Variants in POU1F1 observed in about 807,000 individuals in gnomAD.
The protein encoded by POU1F1 is POU class 1 homeobox 1.
POU1F1 carries 23 observed loss-of-function variants against 32.3 expected under a neutral mutation model. The ratio of observed to expected loss-of-function variants is 0.71; its 90% CI spans 0.51 to 1.01. The LOEUF (loss-of-function observed/expected upper bound fraction) is 1.01. POU1F1 is among the 50% of genes least tolerant of loss of function. The probability of loss-of-function intolerance (pLI) is 0.00; values close to 1 mark genes in which losing one functional copy is unlikely to be tolerated. For synonymous variants in POU1F1, 120 were observed against 115.6 expected, an observed-to-expected ratio of 1.04 and a Z score of -0.25; for missense variants, 323 against 341.6, an observed-to-expected ratio of 0.95 and a Z score of 0.43.
intron 2 of POU1F1, 34 bp from the exon 3 acceptor site, chr3:87,264,546 C>G: frequency 6.8e-7 from 1 of 1,474,564 alleles, no homozygotes; most frequent in Non-Finnish European, 9.5e-7. Flanking sequence ...ATGAAAAAGA[C>G]CATTTGTCAT....
intron 2 of POU1F1, among the ~76,000 whole-genome samples, chr3:87,273,025 A>G (rs920608405): frequency 1.3e-5 from 2 of 152,158 alleles, no homozygotes; most frequent in Non-Finnish European, 2.9e-5. Context: ...AGTAGCTACT[A>G]TATTTTTAGT....
intron 3 of POU1F1, among the ~76,000 whole-genome samples, chr3:87,263,709 C>T (rs1316788654): frequency 1.3e-5 from 2 of 151,918 alleles, no homozygotes; most frequent in African/African-American, 4.8e-5. Flanking sequence ...AGATCAGAAA[C>T]CACCTAAATT....
chr3:87,262,340 T>C (rs1706529709), intron 3 of POU1F1, 105 bp from the exon 4 acceptor site: 15 of 1,245,210 alleles, frequency 1.2e-5, no homozygotes, highest in Non-Finnish European at 1.6e-5. Flanking sequence ...TTACACACTA[T>C]TTTTTAACTA....
At chr3:87,268,620 A>AG (rs1706671052) in intron 2 of POU1F1, among the ~76,000 whole-genome samples, 1 of 152,194 alleles carries the variant, frequency 6.6e-6, no homozygotes, top group African/African-American at 2.4e-5. Flanking sequence ...TTTAAAACCC[A>AG]GATTACTGCA....
At position 87,264,285 on chromosome 3, in the gene POU1F1, T is replaced by C. The variant is rs185965357; in HGVS notation, c.439+3A>G. ...TTTCCTGTTGCCTTTAACAAGCACA[T>C]ACCTAATTTAATTCGTCTCACTTTA... On this transcript the variant is annotated splice_donor_region_variant and intron_variant, in intron 3 of 5. Transcript: ENST00000350375. The C allele has an allele frequency of 2.0e-5, 32 of 1,603,652 alleles. No individual in the cohort carries two copies. Among genetic ancestry groups the C allele is most frequent in the Non-Finnish European group, 2.6e-5 (30 of 1,170,604 alleles).
At chr3:87,269,878 G>A (rs1199113815) in intron 2 of POU1F1, among the ~76,000 whole-genome samples, 1 of 152,066 alleles carries the variant, frequency 6.6e-6, no homozygotes, top group Admixed American at 6.6e-5. Context: ...TAAAGATGGT[G>A]GGTTTAACAT....
chr3:87,262,352 A>G, intron 3 of POU1F1, 117 bp from the exon 4 acceptor site: 2 of 1,134,386 alleles, frequency 1.8e-6, no homozygotes, highest in East Asian at 2.4e-5. Flanking sequence ...TTTTAACTAT[A>G]TATTCTTGGC....
At chr3:87,269,792 GT>G (rs1706693230) in intron 2 of POU1F1, among the ~76,000 whole-genome samples, 1 of 151,942 alleles carries the variant, frequency 6.6e-6, no homozygotes, top group African/African-American at 2.4e-5. Context: ...GTTTTGTTTT[GT>G]TTTGTTTTCC....
intron 2 of POU1F1, among the ~76,000 whole-genome samples, chr3:87,270,306 C>T (rs1162447074): frequency 6.6e-6 from 1 of 152,136 alleles, no homozygotes; most frequent in Non-Finnish European, 1.5e-5. Context: ...GATTGGAACT[C>T]AGAGGTGTTA....
rs1339622098 is a variant in POU1F1 at position 87,259,882 on chromosome 3, A to G, written c.*12T>C. 1 of 1,605,308 alleles carries G rather than the reference A, an allele frequency of 6.2e-7. No individual in the cohort carries two copies. The highest frequency in any genetic ancestry group is 1.1e-5 in the South Asian group (1 of 90,882). ...AAACGGGAGAAAAAGGCTATTATAC[A>G]ATAGAAAAATCTTATCTGCACTCAA... On this transcript the variant is annotated 3_prime_UTR_variant, in exon 6 of 6. Transcript: ENST00000350375.
At chr3:87,263,662 T>C (rs1160442304) in intron 3 of POU1F1, among the ~76,000 whole-genome samples, 2 of 152,014 alleles carry the variant, frequency 1.3e-5, no homozygotes, top group Non-Finnish European at 2.9e-5. Flanking sequence ...ATAACATTTA[T>C]AGGGTTAATC....
intron 2 of POU1F1, among the ~76,000 whole-genome samples, chr3:87,272,109 T>C (rs1023637143): frequency 5.9e-5 from 9 of 151,684 alleles, no homozygotes; most frequent in Non-Finnish European, 1.2e-4. Flanking sequence ...ATCTGTATCA[T>C]AACAAAACAC....
intron 2 of POU1F1, among the ~76,000 whole-genome samples, chr3:87,265,248 G>C (rs1243757021): frequency 2.0e-5 from 3 of 151,878 alleles, no homozygotes; most frequent in African/African-American, 7.2e-5. Flanking sequence ...ATAATTTCTT[G>C]ATTATTATTT....
intron 5 of POU1F1, among the ~76,000 whole-genome samples, chr3:87,261,053 G>C (rs936560701): frequency 6.6e-6 from 1 of 151,860 alleles, no homozygotes; most frequent in Non-Finnish European, 1.5e-5. Flanking sequence ...TGGGATTATA[G>C]GCACCCACCA....
At chr3:87,265,199 C>T (rs1706594861) in intron 2 of POU1F1, among the ~76,000 whole-genome samples, 1 of 151,760 alleles carries the variant, frequency 6.6e-6, no homozygotes, top group Non-Finnish European at 1.5e-5. Context: ...ATTAAAAAGT[C>T]ACTAACAAGA....
intron 2 of POU1F1, among the ~76,000 whole-genome samples, chr3:87,266,389 AT>A (rs1706623402): frequency 6.8e-6 from 1 of 147,818 alleles, no homozygotes; most frequent in Non-Finnish European, 1.5e-5. Flanking sequence ...TTATATAAAA[AT>A]ATGTAATTAT....
chr3:87,265,594 G>A (rs1706604502), intron 2 of POU1F1, among the ~76,000 whole-genome samples: 1 of 151,634 alleles, frequency 6.6e-6, no homozygotes, highest in African/African-American at 2.4e-5. Context: ...CCATATCCAT[G>A]GGTTCTGCAT....
In POU1F1 at chr3:87,260,109, CG is replaced by C. The variant is rs376889886; in HGVS notation, c.666-6del. ...AGAGCATCTTTAGCAGCAATGCTGGCGGGGGGTGGACATAGGGGGTGAAATT... is the reference window on the plus strand; with the variant it reads ...AGAGCATCTTTAGCAGCAATGCTGGCGGGGGTGGACATAGGGGGTGAAATT... On this transcript the variant is annotated splice_region_variant and splice_polypyrimidine_tract_variant and intron_variant, in intron 5 of 5. Transcript: ENST00000350375. 4.4e-5 allele frequency: 71 copies of C among 1,609,974 alleles called. No individual in the cohort carries two copies. In the African/African-American group the frequency reaches 4.6e-4, roughly 10 times the overall value.
intron 2 of POU1F1, among the ~76,000 whole-genome samples, chr3:87,268,600 T>C (rs372160463): frequency 1.2e-4 from 19 of 152,222 alleles, no homozygotes; most frequent in African/African-American, 4.3e-4. Flanking sequence ...CAATATGTTT[T>C]TCAAATCTTT....
Sources: allele counts gnomAD v4.1 joint callset (sites outside exome capture counted in the v4.1 genomes callset), GRCh38; gene constraint gnomAD v4.1.1; transcripts MANE v1.5; gene names NCBI Gene and HGNC (gene_info 2026-07-23, HGNC 2026-07-21).